Variants in PCMT1 observed in about 807,000 individuals in gnomAD.
PCMT1 encodes protein-L-isoaspartate(D-aspartate) O-methyltransferase.
PCMT1 carries 9 observed loss-of-function variants against 29.2 expected under a neutral mutation model. The observed-to-expected ratio is 0.31, with a 90% CI of 0.19 to 0.54. The LOEUF is 0.54. Among genes scored for constraint, PCMT1 ranks in the 20% least tolerant of loss-of-function variants. The pLI, the probability that PCMT1 is intolerant of heterozygous loss-of-function variation, is 0.95. For missense variants in PCMT1, 184 were observed against 282.2 expected, an observed-to-expected ratio of 0.65 and a Z score of 2.49; for synonymous variants, 98 against 97.5, an observed-to-expected ratio of 1.00 and a Z score of -0.03.
chr6:149,790,796 G>T (rs1488752313), intron 4 of PCMT1, among the ~76,000 whole-genome samples: 1 of 152,052 alleles, frequency 6.6e-6, no homozygotes, highest in African/African-American at 2.4e-5. Flanking sequence ...ATCACATGAG[G>T]CCAGGAGTTC....
In PCMT1 at chr6:149,795,838, A is replaced by C. The variant is rs539308773; in HGVS notation, c.419-577A>C. On this transcript the variant is annotated intron_variant, in intron 5 of 7. Coordinates refer to ENST00000464889, the MANE Select transcript of PCMT1 (RefSeq NM_001360452.2). ...AGTTTGCTGCCCATAAGGAGCAAAA[A>C]ATATTTATCTTGGGCTTATTTGAAT... 31 of 179,386 alleles carry C rather than the reference A, an allele frequency of 1.7e-4. 1 individual carries two copies. The South Asian group carries it at 3.9e-3, about 23-fold the overall frequency. The allele number at this position is 179,386 out of a possible 1,614,324, so 11.1% of individuals were successfully genotyped here. A position where few individuals can be genotyped will look rare whatever the true frequency, so the allele number is the denominator to read the frequency against.
intron 3 of PCMT1, among the ~76,000 whole-genome samples, chr6:149,778,401 G>T (rs1278319851): frequency 6.6e-6 from 1 of 151,074 alleles, no homozygotes; most frequent in Non-Finnish European, 1.5e-5. Context: ...GCTAATTTTT[G>T]TATTTTTAGT....
chr6:149,766,608 A>G (rs1167359029), intron 1 of PCMT1, among the ~76,000 whole-genome samples: 1 of 152,218 alleles, frequency 6.6e-6, no homozygotes, highest in Non-Finnish European at 1.5e-5. Flanking sequence ...TCATTTATGT[A>G]GTGTTTCTGG....
At chr6:149,769,281 G>A (rs1013105105) in intron 1 of PCMT1, among the ~76,000 whole-genome samples, 5 of 141,732 alleles carry the variant, frequency 3.5e-5, no homozygotes, top group South Asian at 2.2e-4. Flanking sequence ...GAGGAAAAGG[G>A]GAGTTAGCAC....
chr6:149,771,344 C>A, intron 2 of PCMT1, 78 bp downstream of exon 2: 1 of 850,174 alleles, frequency 1.2e-6, no homozygotes, highest in Non-Finnish European at 1.9e-6. Context: ...AAGCCTGGGA[C>A]ACAGATATTT....
chr6:149,777,823 T>C (rs1385771038), intron 3 of PCMT1, among the ~76,000 whole-genome samples: 2 of 147,972 alleles, frequency 1.4e-5, no homozygotes, highest in South Asian at 2.1e-4. Flanking sequence ...TCTCTTTCTT[T>C]TCTTCTTTCT....
chr6:149,768,461 T>C (rs938756699), intron 1 of PCMT1, among the ~76,000 whole-genome samples: 12 of 140,168 alleles, frequency 8.6e-5, no homozygotes, highest in South Asian at 2.4e-4. Flanking sequence ...TTTTTTTTTT[T>C]TTTTTTTTGA....
intron 5 of PCMT1, among the ~76,000 whole-genome samples, chr6:149,794,479 G>A (rs1028387148): frequency 1.3e-5 from 2 of 152,104 alleles, no homozygotes; most frequent in Non-Finnish European, 2.9e-5. Context: ...TAAGCTGGGC[G>A]TGGTGGCGCA....
intron 6 of PCMT1, among the ~76,000 whole-genome samples, chr6:149,800,264 G>A (rs531511195): frequency 9.9e-5 from 15 of 152,096 alleles, no homozygotes; most frequent in African/African-American, 2.7e-4. Flanking sequence ...TTAGGAGTTC[G>A]AGACCAGCCT....
chr6:149,773,209 T>C (rs78734936), intron 3 of PCMT1, 40 bp downstream of exon 3: 3 of 1,460,948 alleles, frequency 2.1e-6, no homozygotes, highest in Non-Finnish European at 2.9e-6. Context: ...ATGGATTACA[T>C]TTTTCTCTAT....
At chr6:149,767,353 C>T (rs767783976) in intron 1 of PCMT1, among the ~76,000 whole-genome samples, 1 of 151,826 alleles carries the variant, frequency 6.6e-6, no homozygotes, top group Non-Finnish European at 1.5e-5. Flanking sequence ...AGTCACCGCA[C>T]CCAGCCGTTC....
chr6:149,751,557 C>A (rs529935823), intron 1 of PCMT1, among the ~76,000 whole-genome samples: 66 of 149,022 alleles, frequency 4.4e-4, no homozygotes, highest in African/African-American at 1.6e-3. Flanking sequence ...TCTTAGCTCA[C>A]TGCAACCTCC....
intron 5 of PCMT1, 66 bp downstream of exon 5, chr6:149,793,735 C>G (rs1333866965): frequency 7.7e-7 from 1 of 1,293,548 alleles, no homozygotes; most frequent in Non-Finnish European, 1.0e-6. Context: ...CCAATGCAAG[C>G]TAAATAATAC....
At chr6:149,759,538 G>A (rs899803689) in intron 1 of PCMT1, among the ~76,000 whole-genome samples, 4 of 150,852 alleles carry the variant, frequency 2.7e-5, no homozygotes, top group Non-Finnish European at 4.4e-5. Context: ...CTTGTTGCCC[G>A]GGCTGGAGTG....
At chr6:149,767,035 CCT>C (rs1787113639) in intron 1 of PCMT1, among the ~76,000 whole-genome samples, 1 of 151,912 alleles carries the variant, frequency 6.6e-6, no homozygotes, top group African/African-American at 2.4e-5. Context: ...ACAGTGAAAC[CCT>C]GTCTCTGCTA....
chr6:149,764,773 G>A (rs1368647734), intron 1 of PCMT1, among the ~76,000 whole-genome samples: 2 of 151,638 alleles, frequency 1.3e-5, no homozygotes, highest in African/African-American at 4.9e-5. Context: ...AGGCGCGGTG[G>A]CTGAACGCCT....
chr6:149,797,297 GAAAAT>G (rs935031310), intron 6 of PCMT1: 2 of 152,116 alleles, frequency 1.3e-5, no homozygotes, highest in African/African-American at 4.8e-5. Context: ...CTATTGGAAG[GAAAAT>G]AAAATATGCA....
In PCMT1 at chr6:149,796,515, T is replaced by C. The variant is rs371534350; in HGVS notation, c.504+15T>C. On this transcript the variant is annotated intron_variant, in intron 6 of 7. Transcript: ENST00000464889. ...TACCCCAGGCGGTGAGTCGGGATTT[T>C]TTCTGTTTGTGTGTTTTTATTCAAC... The C allele has an allele frequency of 6.9e-6, 11 of 1,592,492 alleles. No homozygotes were observed. The highest frequency in any genetic ancestry group is 2.7e-5 in the African/African-American group (2 of 74,190).
intron 5 of PCMT1, 24 bp from the exon 6 acceptor site, chr6:149,796,391 A>G: frequency 6.4e-7 from 1 of 1,566,324 alleles, no homozygotes. Flanking sequence ...ACAGGTTTTT[A>G]AAGCATAGCT....
Sources: allele counts gnomAD v4.1 joint callset (sites outside exome capture counted in the v4.1 genomes callset), GRCh38; gene constraint gnomAD v4.1.1; transcripts MANE v1.5; gene names NCBI Gene and HGNC (gene_info 2026-07-23, HGNC 2026-07-21).